ARHGEF4: variants seen among roughly 807,000 people sequenced by gnomAD.
The protein encoded by ARHGEF4 is APC-stimulated guanine nucleotide exchange factor 1.
In ARHGEF4, 119 loss-of-function variants were observed where a neutral mutation model predicts 162.0. The observed-to-expected ratio is 0.73, with a 90% CI of 0.63 to 0.86. The LOEUF (loss-of-function observed/expected upper bound fraction) is 0.86. ARHGEF4 is among the 40% of genes least tolerant of loss of function. The pLI, the probability that ARHGEF4 is intolerant of heterozygous loss-of-function variation, is 0.00. For missense variants in ARHGEF4, 2,488 were observed against 2,456.0 expected, an observed-to-expected ratio of 1.01 and a Z score of -0.28; for synonymous variants, 1,014 against 979.9, an observed-to-expected ratio of 1.03 and a Z score of -0.65.
intron 1 of ARHGEF4, among the ~76,000 whole-genome samples, chr2:130,873,915 C>A (rs1678655774): frequency 6.6e-6 from 1 of 152,120 alleles, no homozygotes; most frequent in Non-Finnish European, 1.5e-5. Context: ...TAGATTGCAT[C>A]TAACGTTTTC....
intron 1 of ARHGEF4, among the ~76,000 whole-genome samples, chr2:130,856,609 T>C (rs2104900177): frequency 6.6e-6 from 1 of 152,344 alleles, no homozygotes; most frequent in Non-Finnish European, 1.5e-5. Context: ...TTGCATATTT[T>C]TTCTTCTTAA....
chr2:130,926,048 C>CTTTCTTTCTTTCTCTTTCTT, intron 2 of ARHGEF4, among the ~76,000 whole-genome samples: 1,049 of 53,244 alleles, frequency 0.02, 11 homozygotes, highest in Middle Eastern at 0.038. Flanking sequence ...TTCTTTCTTT[C>CTTTCTTTCTTTCTCTTTCTT]TCTTTCTTTC....
At chr2:130,949,313 G>C (rs2105156765) in intron 4 of ARHGEF4, among the ~76,000 whole-genome samples, 1 of 151,778 alleles carries the variant, frequency 6.6e-6, no homozygotes, top group Admixed American at 6.6e-5. Context: ...TTCTTTCGAG[G>C]TTTTCTGTTT....
chr2:131,002,239 A>T (rs1472164599), intron 4 of ARHGEF4, among the ~76,000 whole-genome samples: 2 of 152,188 alleles, frequency 1.3e-5, no homozygotes, highest in East Asian at 1.9e-4. Context: ...TTTTGAAAAG[A>T]TTAATATGTA....
chr2:130,963,608 C>G (rs1441922710), intron 4 of ARHGEF4: 1 of 148,466 alleles, frequency 6.7e-6, no homozygotes, highest in African/African-American at 2.4e-5. Context: ...CGAGGACGAC[C>G]CGGAGCCCCG....
At position 130,916,901 on chromosome 2, in the gene ARHGEF4, C is replaced by T. The variant is rs866079453; in HGVS notation, c.2955C>T (p.Asp985=). 6 of 1,550,494 alleles carry T rather than the reference C, an allele frequency of 3.9e-6. No homozygotes were observed. The African/African-American group carries it at 8.2e-5, about 21-fold the overall frequency. Residue 985 remains aspartate, a synonymous_variant, in exon 2 of 14, where the codon GAC becomes GAT. Coordinates refer to ENST00000409359, the MANE Select transcript of ARHGEF4 (RefSeq NM_001367493.1). The stretch of plus-strand genomic sequence containing the variant: ...AAGTTCTCTCCCCAGCAGAGACCGA[C>T]AGCCACTGTGAGGAACGGGCGGAGG... ...GPEVLSPAET[D]SHCEERAEDK...
intron 5 of ARHGEF4, among the ~76,000 whole-genome samples, chr2:131,032,869 T>C (rs1198298655): frequency 1.4e-5 from 2 of 147,988 alleles, no homozygotes; most frequent in Non-Finnish European, 3.0e-5. Flanking sequence ...TTTTTTTTTT[T>C]TGAGACGGGG....
intron 4 of ARHGEF4, among the ~76,000 whole-genome samples, chr2:131,024,556 T>G (rs554438946): frequency 1.3e-5 from 2 of 152,268 alleles, no homozygotes; most frequent in South Asian, 4.2e-4. Context: ...ATTGCAGGCG[T>G]GAGCCACCGC....
At chr2:131,023,234 G>C (rs1573637268) in intron 4 of ARHGEF4, among the ~76,000 whole-genome samples, 1 of 152,168 alleles carries the variant, frequency 6.6e-6, no homozygotes, top group East Asian at 1.9e-4. Context: ...CTCATGACTA[G>C]CCTGGGCAAC....
In ARHGEF4 at chr2:130,915,268, G is replaced by A. The variant is rs757719052; in HGVS notation, c.1322G>A (p.Cys441Tyr). ...QDSRSCLVASCLTSELVKLSA... is the reference protein window; with the variant it reads ...QDSRSCLVASYLTSELVKLSA... ...TCCAGGTCATGTCTGGTGGCTTCAT[G>A]CCTCACCTCAGAGTTAGTGAAGCTC... The change falls in exon 2 of 14, where the codon TGC becomes TAC. Residue 441 changes from cysteine to tyrosine, a missense_variant. Physicochemically the swap from Cys to Tyr is radical, Grantham distance 194 (BLOSUM62 -2). Transcript: ENST00000409359. 2 of 1,550,592 alleles carry A rather than the reference G, an allele frequency of 1.3e-6. No individual in the cohort carries two copies. The highest frequency in any genetic ancestry group is 1.7e-6 in the Non-Finnish European group (2 of 1,147,012).
chr2:130,894,537 G>C (rs1680043639), intron 1 of ARHGEF4, among the ~76,000 whole-genome samples: 1 of 152,210 alleles, frequency 6.6e-6, no homozygotes, highest in South Asian at 2.1e-4. Context: ...TCCTGCCACG[G>C]AGGCAGGACT....
chr2:130,968,879 C>CATCAT (rs1685172562), intron 4 of ARHGEF4, among the ~76,000 whole-genome samples: 1 of 152,128 alleles, frequency 6.6e-6, no homozygotes, highest in Admixed American at 6.5e-5. Context: ...GACTGCGCCA[C>CATCAT]TGCACTCCAG....
intron 1 of ARHGEF4, among the ~76,000 whole-genome samples, chr2:130,896,696 A>G (rs775088654): frequency 1.3e-5 from 2 of 152,192 alleles, no homozygotes; most frequent in Non-Finnish European, 2.9e-5. Context: ...TATATTAGTA[A>G]TATTTCAGAA....
At chr2:130,901,339 C>A (rs1407714439) in intron 1 of ARHGEF4, among the ~76,000 whole-genome samples, 1 of 152,138 alleles carries the variant, frequency 6.6e-6, no homozygotes, top group Non-Finnish European at 1.5e-5. Context: ...GCTGGTGTGG[C>A]CTCCCTGGGA....
chr2:131,018,917 G>T (rs1184617209), intron 4 of ARHGEF4, among the ~76,000 whole-genome samples: 1 of 152,128 alleles, frequency 6.6e-6, no homozygotes, highest in Non-Finnish European at 1.5e-5. Context: ...TTTATTTCTG[G>T]ATCCTCTATT....
In ARHGEF4 at chr2:130,906,177, C is replaced by T. The variant is rs568842237; in HGVS notation, c.40-7809C>T. On this transcript the variant is annotated intron_variant, in intron 1 of 13. Coordinates refer to ENST00000409359, the MANE Select transcript of ARHGEF4 (RefSeq NM_001367493.1). ...GGTTCACCTTCTATTTGCCCTTGCCCAGTCCTGGCATCAACCACTTCTTCA... is the reference window on the plus strand; with the variant it reads ...GGTTCACCTTCTATTTGCCCTTGCCTAGTCCTGGCATCAACCACTTCTTCA... Among the ~76,000 whole-genome samples the T allele has an allele frequency of 8.5e-5, 13 of 152,310 alleles. No homozygotes were observed. In the South Asian group the frequency reaches 1.2e-3, roughly 15 times the overall value.
At chr2:130,913,929 C>T in intron 1 of ARHGEF4, 57 bp from the exon 2 acceptor site, 3 of 1,527,884 alleles carry the variant, frequency 2.0e-6, no homozygotes, top group Non-Finnish European at 2.6e-6. Context: ...ACGGTGTAAA[C>T]ATGTGCACAG....
chr2:130,854,340 A>G (rs1681609103), intron 1 of ARHGEF4, among the ~76,000 whole-genome samples: 1 of 152,166 alleles, frequency 6.6e-6, no homozygotes, highest in Non-Finnish European at 1.5e-5. Flanking sequence ...GTCTGGCTCT[A>G]TAAATCTGAG....
chr2:130,982,537 T>G (rs1278250732), intron 4 of ARHGEF4, among the ~76,000 whole-genome samples: 1 of 151,914 alleles, frequency 6.6e-6, no homozygotes, highest in African/African-American at 2.4e-5. Context: ...AGTCCCAGAT[T>G]TTTTCTTCCT....
Sources: allele counts gnomAD v4.1 joint callset (sites outside exome capture counted in the v4.1 genomes callset), GRCh38; gene constraint gnomAD v4.1.1; transcripts MANE v1.5; gene names NCBI Gene and HGNC (gene_info 2026-07-23, HGNC 2026-07-21).